The following ZNF385D variants were observed in gnomAD, a reference collection of about 807,000 sequenced individuals.
The protein encoded by ZNF385D is zinc finger protein 385D, also known as zinc finger protein 659.
A neutral mutation model predicts 35.8 loss-of-function variants in ZNF385D; 15 were observed. The ratio of observed to expected loss-of-function variants is 0.42; its 90% CI spans 0.28 to 0.64. The LOEUF is 0.64. Among genes scored for constraint, ZNF385D ranks in the 30% least tolerant of loss-of-function variants. ZNF385D has a pLI of 0.23. For missense variants in ZNF385D, 474 were observed against 494.6 expected (o/e 0.96, Z 0.39); for synonymous variants, 212 against 186.8 (o/e 1.13, Z -1.10).
rs1477055112 is a variant in ZNF385D at position 21,751,145 on chromosome 3, T to A, written c.-229A>T. 1 of 1,441,526 alleles carries A rather than the reference T, an allele frequency of 6.9e-7. No homozygotes were observed. Among genetic ancestry groups the A allele is most frequent in the East Asian group, 2.5e-5 (1 of 39,224 alleles). The allele number at this position is 1,441,526 out of a possible 1,614,324, so 89.3% of individuals were successfully genotyped here. On this transcript the variant is annotated 5_prime_UTR_variant, in exon 1 of 8. Coordinates refer to ENST00000281523, the MANE Select transcript of ZNF385D (RefSeq NM_024697.3). ...AGTGCGCTCGGGCTGCCTGCTGCAC[T>A]GCCCATCCTTACTGTAATCCGACTC...
At chr3:22,036,738 T>G (rs1406040441) in intron 3 of ZNF385D, among the ~76,000 whole-genome samples, 1 of 150,490 alleles carries the variant, frequency 6.6e-6, no homozygotes, top group Non-Finnish European at 1.5e-5. Flanking sequence ...ATACTCTAAG[T>G]TTTAGGGTAC....
chr3:22,037,617 C>A (rs1213651000), intron 3 of ZNF385D, among the ~76,000 whole-genome samples: 2 of 152,072 alleles, frequency 1.3e-5, no homozygotes, highest in Non-Finnish European at 2.9e-5. Flanking sequence ...AGCCCTTTGT[C>A]AGATGAGTAG....
At chr3:21,801,804 C>T (rs551431767) in intron 3 of ZNF385D, among the ~76,000 whole-genome samples, 98 of 152,180 alleles carry the variant, frequency 6.4e-4, no homozygotes, top group Non-Finnish European at 1.2e-3. Context: ...TTAGAGTGCC[C>T]GTCCTGACCA....
At chr3:22,363,686 AAGT>A (rs1696521605) in intron 2 of ZNF385D, among the ~76,000 whole-genome samples, 1 of 152,150 alleles carries the variant, frequency 6.6e-6, no homozygotes, top group South Asian at 2.1e-4. Context: ...TTGGTGGACC[AAGT>A]CTGGTGAGTG....
intron 2 of ZNF385D, among the ~76,000 whole-genome samples, chr3:21,576,711 A>T (rs1488964215): frequency 6.6e-6 from 1 of 152,168 alleles, no homozygotes; most frequent in East Asian, 1.9e-4. Flanking sequence ...CACTCAATAC[A>T]TATTTAAACT....
At chr3:21,953,366 T>C (rs1205911592) in intron 3 of ZNF385D, among the ~76,000 whole-genome samples, 1 of 152,002 alleles carries the variant, frequency 6.6e-6, no homozygotes, top group African/African-American at 2.4e-5. Flanking sequence ...TGACTGGATC[T>C]TTGAATTCCA....
At chr3:22,309,392 T>C (rs893957036) in intron 2 of ZNF385D, among the ~76,000 whole-genome samples, 5 of 152,080 alleles carry the variant, frequency 3.3e-5, no homozygotes, top group Admixed American at 3.3e-4. Context: ...ATAAATAAAA[T>C]GTTTCTTGGA....
chr3:22,003,256 A>T (rs1305216550), intron 3 of ZNF385D, among the ~76,000 whole-genome samples: 1 of 152,206 alleles, frequency 6.6e-6, no homozygotes, highest in African/African-American at 2.4e-5. Context: ...ACATACAGAA[A>T]TCAATAGCTT....
intron 3 of ZNF385D, among the ~76,000 whole-genome samples, chr3:22,152,011 C>A (rs1336589516): frequency 6.6e-6 from 1 of 152,110 alleles, no homozygotes; most frequent in Non-Finnish European, 1.5e-5. Context: ...CTTCCACCCT[C>A]CACCTTCAAG....
chr3:21,512,035 T>C (rs1460661671), intron 3 of ZNF385D, among the ~76,000 whole-genome samples: 2 of 149,818 alleles, frequency 1.3e-5, no homozygotes, highest in East Asian at 4.0e-4. Context: ...TAGTCCCAGC[T>C]ACTCGGGAGG....
chr3:22,255,266 T>C (rs1366052426), intron 2 of ZNF385D, among the ~76,000 whole-genome samples: 1 of 107,648 alleles, frequency 9.3e-6, no homozygotes, highest in Non-Finnish European at 1.8e-5. Flanking sequence ...TTTGTTATCA[T>C]GTATTCCCCC....
At chr3:21,873,484 G>C (rs1203020133) in intron 3 of ZNF385D, among the ~76,000 whole-genome samples, 4 of 151,904 alleles carry the variant, frequency 2.6e-5, no homozygotes, top group Non-Finnish European at 5.9e-5. Context: ...TCTTATTGTG[G>C]TAAAAACACA....
intron 4 of ZNF385D, among the ~76,000 whole-genome samples, chr3:21,498,875 A>G (rs957059510): frequency 1.4e-5 from 2 of 138,044 alleles, no homozygotes; most frequent in Non-Finnish European, 3.1e-5. Flanking sequence ...CCTGGGAGGT[A>G]GAGGTTGCAG....
chr3:21,920,481 T>C (rs12496539), intron 3 of ZNF385D, among the ~76,000 whole-genome samples: 80,898 of 151,480 alleles, frequency 0.53, 23,625 homozygotes, highest in South Asian at 0.66. Context: ...TTTTTTAGGT[T>C]TGGGTTTCAA....
intron 3 of ZNF385D, among the ~76,000 whole-genome samples, chr3:21,974,709 T>C (rs1447436632): frequency 6.6e-6 from 1 of 151,840 alleles, no homozygotes; most frequent in East Asian, 1.9e-4. Flanking sequence ...TATAAGGAGC[T>C]CAGACAACTC....
chr3:21,439,127 AT>A (rs934817315), intron 4 of ZNF385D, among the ~76,000 whole-genome samples: 11 of 152,144 alleles, frequency 7.2e-5, no homozygotes, highest in Admixed American at 5.9e-4. Context: ...TTATAAAATA[AT>A]TTCATTTTTT....
At chr3:21,751,236 A>AAG, upstream of ZNF385D, 3 of 1,106,908 alleles carry the variant, frequency 2.7e-6, no homozygotes, top group Non-Finnish European at 3.4e-6. Context: ...AGACCCCTCC[A>AAG]CCCCACCCCA....
At chr3:21,863,754 T>C (rs1697183255) in intron 3 of ZNF385D, among the ~76,000 whole-genome samples, 1 of 152,140 alleles carries the variant, frequency 6.6e-6, no homozygotes, top group Admixed American at 6.6e-5. Context: ...ACAGAAAAGC[T>C]GGAATTTTAA....
At chr3:21,518,182 A>ATCTC (rs748590659) in intron 3 of ZNF385D, among the ~76,000 whole-genome samples, 4 of 152,176 alleles carry the variant, frequency 2.6e-5, no homozygotes, top group Non-Finnish European at 5.9e-5. Flanking sequence ...GAACATTTTT[A>ATCTC]CTTGAACAAT....
Sources: gnomAD v4.1 joint callset for allele counts (sites outside exome capture counted in the v4.1 genomes callset) on GRCh38, gnomAD v4.1.1 for gene constraint, MANE v1.5 for transcripts, NCBI Gene and HGNC (gene_info 2026-07-23, HGNC 2026-07-21) for gene names.